The following SYT1 variants were observed in gnomAD, a reference collection of about 807,000 sequenced individuals.
SYT1 encodes synaptotagmin 1, also known as synaptotagmin-1.
A neutral mutation model predicts 44.8 loss-of-function variants in SYT1; 8 were observed. That is an observed-to-expected ratio of 0.18 (90% confidence interval 0.10 to 0.32). The LOEUF is 0.32. Among genes scored for constraint, SYT1 ranks in the 10% least tolerant of loss-of-function variants. The pLI is 1.00. For synonymous variants in SYT1, 154 were observed against 188.8 expected (o/e 0.82, Z 1.51); for missense variants, 286 against 509.3 (o/e 0.56, Z 4.22).
intron 4 of SYT1, among the ~76,000 whole-genome samples, chr12:79,267,760 T>C (rs1405487058): frequency 2.6e-5 from 4 of 152,200 alleles, no homozygotes; most frequent in Non-Finnish European, 5.9e-5. Context: ...CACTTCTCCC[T>C]GGAGCCTGCA....
At chr12:79,123,037 A>G (rs1868305119) in intron 3 of SYT1, among the ~76,000 whole-genome samples, 1 of 152,248 alleles carries the variant, frequency 6.6e-6, no homozygotes, top group Admixed American at 6.5e-5. Flanking sequence ...CAATTTCTAC[A>G]GTCACCCACA....
chr12:78,972,565 C>T (rs986263737), intron 1 of SYT1, among the ~76,000 whole-genome samples: 1 of 151,178 alleles, frequency 6.6e-6, no homozygotes, highest in Non-Finnish European at 1.5e-5. Flanking sequence ...TTATGAGGCA[C>T]ATTTCTCTAA....
At chr12:78,959,390 G>A (rs1406568014) in intron 1 of SYT1, among the ~76,000 whole-genome samples, 1 of 151,988 alleles carries the variant, frequency 6.6e-6, no homozygotes, top group Non-Finnish European at 1.5e-5. Context: ...TGTTTGTTTA[G>A]AGTTACTGAG....
At chr12:79,075,561 A>G (rs1298398859) in intron 3 of SYT1, among the ~76,000 whole-genome samples, 1 of 152,208 alleles carries the variant, frequency 6.6e-6, no homozygotes, top group Non-Finnish European at 1.5e-5. Flanking sequence ...TAACATTTAT[A>G]TTCTAGATCT....
chr12:78,980,994 G>A (rs767766023), intron 2 of SYT1, among the ~76,000 whole-genome samples: 1 of 151,938 alleles, frequency 6.6e-6, no homozygotes, highest in Non-Finnish European at 1.5e-5. Context: ...AGTATGAGTG[G>A]CCAACAGCAT....
intron 3 of SYT1, among the ~76,000 whole-genome samples, chr12:79,063,571 G>A (rs1477395206): frequency 6.6e-6 from 1 of 152,092 alleles, no homozygotes; most frequent in East Asian, 1.9e-4. Flanking sequence ...ATAAGTGGAG[G>A]AGGGGGAAGG....
chr12:79,100,208 A>G (rs957358832), intron 3 of SYT1, among the ~76,000 whole-genome samples: 2 of 152,126 alleles, frequency 1.3e-5, no homozygotes, highest in Non-Finnish European at 2.9e-5. Context: ...TGTACGAAGT[A>G]TTATGTTTAT....
intron 4 of SYT1, among the ~76,000 whole-genome samples, chr12:79,269,695 T>TACAC (rs113612431): frequency 1.9e-4 from 28 of 150,176 alleles, no homozygotes; most frequent in African/African-American, 6.6e-4. Context: ...TATGAAAAAG[T>TACAC]ACACACACAC....
At chr12:78,940,880 A>C (rs1878310723) in intron 1 of SYT1, among the ~76,000 whole-genome samples, 1 of 152,110 alleles carries the variant, frequency 6.6e-6, no homozygotes, top group South Asian at 2.1e-4. Context: ...GGACTAGTAC[A>C]ACAATACTTT....
intron 3 of SYT1, 109 bp from the exon 4 acceptor site, chr12:79,217,394 C>A: frequency 1.1e-6 from 1 of 885,270 alleles, no homozygotes; most frequent in Non-Finnish European, 1.6e-6. Flanking sequence ...GACTATTTAC[C>A]CAGTGAGCAG....
At chr12:79,331,611 C>T (rs368705624) in intron 8 of SYT1, among the ~76,000 whole-genome samples, 1 of 152,066 alleles carries the variant, frequency 6.6e-6, no homozygotes, top group South Asian at 2.1e-4. Context: ...TGTCCCTTTG[C>T]AGCATTTTTT....
intron 8 of SYT1, among the ~76,000 whole-genome samples, chr12:79,310,378 C>G (rs1214083427): frequency 6.6e-6 from 1 of 151,966 alleles, no homozygotes; most frequent in Non-Finnish European, 1.5e-5. Context: ...TGATCTATAT[C>G]TCTGTTTTGG....
intron 1 of SYT1, among the ~76,000 whole-genome samples, chr12:78,872,363 CA>C (rs1873866153): frequency 6.6e-6 from 1 of 151,904 alleles, no homozygotes; most frequent in African/African-American, 2.4e-5. Context: ...GTGGATGAGA[CA>C]AGTTCTTTTA....
chr12:79,236,459 C>T (rs1043937135), intron 4 of SYT1, among the ~76,000 whole-genome samples: 29 of 152,132 alleles, frequency 1.9e-4, no homozygotes, highest in Non-Finnish European at 5.9e-5. Context: ...AATGACATTA[C>T]CCCCATCTCT....
chr12:79,271,126 T>C (rs1402969575), intron 4 of SYT1, among the ~76,000 whole-genome samples: 1 of 152,198 alleles, frequency 6.6e-6, no homozygotes, highest in Non-Finnish European at 1.5e-5. Context: ...ATTTTCCTTT[T>C]TAAAATGTAT....
At chr12:79,443,437 G>A (rs1271729936) in intron 9 of SYT1, among the ~76,000 whole-genome samples, 2 of 152,072 alleles carry the variant, frequency 1.3e-5, no homozygotes, top group African/African-American at 4.8e-5. Context: ...GTAGTTTCAT[G>A]TCTTTTGTTT....
intron 9 of SYT1, among the ~76,000 whole-genome samples, chr12:79,365,437 A>G (rs1883500580): frequency 6.6e-6 from 1 of 152,096 alleles, no homozygotes; most frequent in Non-Finnish European, 1.5e-5. Context: ...ATAGAAAAAT[A>G]ACATGCTCTT....
At chr12:79,156,459 G>C (rs967077625) in intron 3 of SYT1, among the ~76,000 whole-genome samples, 5 of 151,940 alleles carry the variant, frequency 3.3e-5, no homozygotes, top group East Asian at 1.9e-4. Flanking sequence ...TGTTGTTGTT[G>C]TTGTTGTTGT....
chr12:79,194,857 G>T (rs1873351814), intron 3 of SYT1, among the ~76,000 whole-genome samples: 1 of 152,140 alleles, frequency 6.6e-6, no homozygotes, highest in Non-Finnish European at 1.5e-5. Context: ...TTCAAAACCA[G>T]TTCTCAGCTG....
Sources: allele counts gnomAD v4.1 joint callset (sites outside exome capture counted in the v4.1 genomes callset), GRCh38; gene constraint gnomAD v4.1.1; transcripts MANE v1.5; gene names NCBI Gene and HGNC (gene_info 2026-07-23, HGNC 2026-07-21).